ZMYND11: variants seen among roughly 807,000 people sequenced by gnomAD.
The protein encoded by ZMYND11 is zinc finger MYND-type containing 11, also known as zinc finger MYND domain-containing protein 11.
In ZMYND11, 9 loss-of-function variants were observed where a neutral mutation model predicts 84.9. The ratio of observed to expected loss-of-function variants is 0.11; its 90% CI spans 0.06 to 0.18. The LOEUF is 0.18. ZMYND11 is among the 10% of genes least tolerant of loss of function. The pLI is 1.00. For synonymous variants in ZMYND11, 250 were observed against 244.1 expected, an observed-to-expected ratio of 1.02 and a Z score of -0.23; for missense variants, 409 against 761.0, an observed-to-expected ratio of 0.54 and a Z score of 5.44.
At chr10:210,941 T>C (rs1171119329) in intron 3 of ZMYND11, among the ~76,000 whole-genome samples, 1 of 152,052 alleles carries the variant, frequency 6.6e-6, no homozygotes, top group African/African-American at 2.4e-5. Flanking sequence ...AGCAGGAGGA[T>C]CACTTGAGCC....
intron 6 of ZMYND11, among the ~76,000 whole-genome samples, chr10:238,726 T>G (rs1222455933): frequency 6.6e-6 from 1 of 152,062 alleles, no homozygotes; most frequent in African/African-American, 2.4e-5. Context: ...TAAATGAAGG[T>G]TTTTCCCTTA....
Position 242,083 on chromosome 10 carries a change from C to T in ZMYND11, c.894C>T (p.Val298=), listed in dbSNP as rs759638945. The change falls in exon 10 of 15, where the codon GTC becomes GTT. Residue 298 remains valine, a synonymous_variant. Coordinates refer to ENST00000381604, the MANE Select transcript of ZMYND11 (RefSeq NM_001370100.5). ...MKGFGFWPAK[V]MQKEDNQVDV... ...GTTTTGGGTTTTGGCCAGCCAAAGT[C>T]ATGCAGAAAGAAGACAATCAAGTCG... The T allele has an allele frequency of 6.2e-7, 1 of 1,613,964 alleles. No homozygotes were observed.
At chr10:214,011 GCCTATA>G (rs750295659) in intron 3 of ZMYND11, among the ~76,000 whole-genome samples, 2 of 152,066 alleles carry the variant, frequency 1.3e-5, no homozygotes, top group African/African-American at 4.8e-5. Context: ...CCAAGTGGAA[GCCTATA>G]TATTTTAAGG....
At chr10:224,322 T>G (rs1947701205) in intron 4 of ZMYND11, among the ~76,000 whole-genome samples, 1 of 152,222 alleles carries the variant, frequency 6.6e-6, no homozygotes, top group African/African-American at 2.4e-5. Flanking sequence ...TTGTGACTTT[T>G]CATAATAAAT....
intron 8 of ZMYND11, 33 bp downstream of exon 8, chr10:240,144 C>T (rs1950626699): frequency 2.0e-6 from 3 of 1,468,496 alleles, no homozygotes; most frequent in East Asian, 4.7e-5. Context: ...TATACTCTTT[C>T]TATAACTGAA....
chr10:145,647 G>A (rs1838646563), intron 1 of ZMYND11, among the ~76,000 whole-genome samples: 1 of 152,130 alleles, frequency 6.6e-6, no homozygotes, highest in Non-Finnish European at 1.5e-5. Flanking sequence ...CTGATGATTA[G>A]TCATATTTAG....
rs751816773 is a variant in ZMYND11, at chr10:240,120, C to T, written c.753+9C>T. On this transcript the variant is annotated intron_variant, in intron 8 of 14. Transcript: ENST00000381604. Reference sequence around the variant, plus strand: ...AAGACACATGTCATGAGGTACTATTCATTGCCCAATAGTTATACTCTTTCT... The same window carrying T: ...AAGACACATGTCATGAGGTACTATTTATTGCCCAATAGTTATACTCTTTCT... 12 of 1,598,412 alleles carry T rather than the reference C, an allele frequency of 7.5e-6. No individual in the cohort carries two copies. The highest frequency in any genetic ancestry group is 9.4e-6 in the Non-Finnish European group (11 of 1,169,808).
At chr10:140,881 C>G (rs2131132792) in intron 1 of ZMYND11, among the ~76,000 whole-genome samples, 1 of 152,258 alleles carries the variant, frequency 6.6e-6, no homozygotes, top group South Asian at 2.1e-4. Context: ...AGAGTGTTTG[C>G]TTCATAAATG....
In ZMYND11 at chr10:135,773, G is replaced by C. The variant is rs1165161996; in HGVS notation, c.-20+214G>C. On this transcript the variant is annotated intron_variant, in intron 1 of 14. Transcript: ENST00000381604. This position sits in a 1 kb window ranked among gnomAD's most constrained non-coding sequence, Gnocchi z 5.6. ...CCGGGCCGGCGGGGCCTGCGAGGGC[G>C]GCGGCGGGGCCTGCGGAGGCTGCCG... Among the ~76,000 whole-genome samples the C allele has an allele frequency of 5.4e-5, 8 of 148,314 alleles. No homozygotes were observed. Among genetic ancestry groups the C allele is most frequent in the Non-Finnish European group, 1.1e-4 (7 of 66,518 alleles).
chr10:250,562 C>A lies in ZMYND11; in HGVS notation c.1686+1474C>A, dbSNP rs569531379. ...GAATCAAGAAAATGGGAAGAAGAGG[C>A]TATAATTATAATACTGTCTTTTGTA... On this transcript the variant is annotated intron_variant, in intron 14 of 14. Transcript: ENST00000381604. 2.0e-5 allele frequency among the ~76,000 whole-genome samples: 3 copies of A among 152,206 alleles called. No homozygotes were observed. In the East Asian group the frequency reaches 5.8e-4, roughly 29 times the overall value.
At chr10:238,278 G>A (rs1950306862) in intron 6 of ZMYND11, among the ~76,000 whole-genome samples, 1 of 152,120 alleles carries the variant, frequency 6.6e-6, no homozygotes, top group African/African-American at 2.4e-5. Context: ...GTGTCATGTT[G>A]GAAATTTAAA....
intron 14 of ZMYND11, among the ~76,000 whole-genome samples, chr10:251,107 G>T (rs980629871): frequency 2.6e-5 from 4 of 152,190 alleles, no homozygotes; most frequent in African/African-American, 9.7e-5. Context: ...AAGCATGTAG[G>T]TATGCCAGAT....
chr10:191,177 G>A (rs1428169129), intron 2 of ZMYND11, among the ~76,000 whole-genome samples: 2 of 152,160 alleles, frequency 1.3e-5, no homozygotes, highest in Non-Finnish European at 2.9e-5. Context: ...CAACAACTGT[G>A]TGAGTTATGT....
intron 6 of ZMYND11, among the ~76,000 whole-genome samples, chr10:238,450 G>A (rs1218366207): frequency 2.0e-5 from 3 of 151,792 alleles, no homozygotes; most frequent in South Asian, 2.1e-4. Flanking sequence ...TCTGCCTCCC[G>A]GGTTCACGCC....
At chr10:180,931 C>A (rs1847757500) in intron 2 of ZMYND11, among the ~76,000 whole-genome samples, 1 of 152,032 alleles carries the variant, frequency 6.6e-6, no homozygotes, top group Non-Finnish European at 1.5e-5. Context: ...TGTCCACCCC[C>A]ATCCCCTAGT....
chr10:144,430 C>T (rs1838224625), intron 1 of ZMYND11, among the ~76,000 whole-genome samples: 1 of 151,884 alleles, frequency 6.6e-6, no homozygotes, highest in African/African-American at 2.4e-5. Flanking sequence ...CCATGTTGCC[C>T]AGGATCATCT....
chr10:211,008 A>C lies in ZMYND11; in HGVS notation c.276+960A>C, dbSNP rs148587265. ...CCCCCATCTCTACAAAAAAAAATAA[A>C]ATACACAACCCCATCTCTACAAAAA... On this transcript the variant is annotated intron_variant, in intron 3 of 14. Coordinates refer to ENST00000381604, the MANE Select transcript of ZMYND11 (RefSeq NM_001370100.5). 5.9e-5 allele frequency among the ~76,000 whole-genome samples: 9 copies of C among 152,044 alleles called. No individual in the cohort carries two copies. In the East Asian group the frequency reaches 1.7e-3, roughly 29 times the overall value.
At chr10:235,175 T>G (rs1949740921) in intron 4 of ZMYND11, among the ~76,000 whole-genome samples, 1 of 152,228 alleles carries the variant, frequency 6.6e-6, no homozygotes, top group Non-Finnish European at 1.5e-5. Flanking sequence ...CAAAGTTTTT[T>G]AAAGAGTGGC....
intron 4 of ZMYND11, among the ~76,000 whole-genome samples, chr10:236,162 T>A (rs1249318214): frequency 1.3e-5 from 2 of 152,256 alleles, no homozygotes; most frequent in Admixed American, 1.3e-4. Flanking sequence ...TAGGCTGTTG[T>A]AATATCAGGG....
Sources: gnomAD v4.1 joint callset for allele counts (sites outside exome capture counted in the v4.1 genomes callset) on GRCh38, gnomAD v4.1.1 for gene constraint, Gnocchi (gnomAD v3.1) non-coding constraint, MANE v1.5 for transcripts, NCBI Gene and HGNC (gene_info 2026-07-23, HGNC 2026-07-21) for gene names.